The following ITPKB variants were observed in gnomAD, a reference collection of about 807,000 sequenced individuals.
ITPKB encodes IP3 3-kinase B.
Under a neutral mutation model 69.4 loss-of-function variants are expected in ITPKB, and 13 were observed. The ratio of observed to expected loss-of-function variants is 0.19; its 90% CI spans 0.12 to 0.30. The LOEUF (loss-of-function observed/expected upper bound fraction) is 0.30, where lower values mean the gene tolerates loss of function less well. ITPKB is among the 10% of genes least tolerant of loss of function. The pLI, the probability that ITPKB is intolerant of heterozygous loss-of-function variation, is 1.00. For missense variants in ITPKB, 1,240 were observed against 1,250.5 expected (o/e 0.99, Z 0.13); for synonymous variants, 584 against 513.7 (o/e 1.14, Z -1.85).
At chr1:226,691,409 G>A (rs28694682) in intron 2 of ITPKB, among the ~76,000 whole-genome samples, 94 of 152,186 alleles carry the variant, frequency 6.2e-4, no homozygotes, top group Non-Finnish European at 1.1e-3. Flanking sequence ...GGGCCTGGCT[G>A]GGGGGACTCT....
intron 2 of ITPKB, among the ~76,000 whole-genome samples, chr1:226,679,099 T>C (rs1008213352): frequency 3.9e-5 from 6 of 152,204 alleles, no homozygotes; most frequent in Middle Eastern, 3.2e-3. Flanking sequence ...CTCTCTAAGA[T>C]AGAGCTCCCT....
At chr1:226,692,087 A>G (rs767380157) in intron 2 of ITPKB, among the ~76,000 whole-genome samples, 2 of 152,236 alleles carry the variant, frequency 1.3e-5, no homozygotes, top group African/African-American at 2.4e-5. Context: ...TACTACATGC[A>G]AGAGCCTTCA....
At chr1:226,719,792 G>A (rs1444333917) in intron 2 of ITPKB, among the ~76,000 whole-genome samples, 1 of 152,140 alleles carries the variant, frequency 6.6e-6, no homozygotes, top group African/African-American at 2.4e-5. Flanking sequence ...TCTCTGGGTG[G>A]CCTGAGGCAT....
At chr1:226,656,614 A>C (rs1669294338) in intron 2 of ITPKB, 1 of 152,234 alleles carries the variant, frequency 6.6e-6, no homozygotes, top group Non-Finnish European at 1.5e-5. Context: ...TTGCAAATTA[A>C]GGGCTGAAGC....
intron 2 of ITPKB, among the ~76,000 whole-genome samples, chr1:226,671,162 A>T (rs1038445148): frequency 6.6e-6 from 1 of 152,216 alleles, no homozygotes; most frequent in Non-Finnish European, 1.5e-5. Context: ...TGAAGACCCC[A>T]AGGATCTCTA....
At chr1:226,682,383 T>C (rs1269411880) in intron 2 of ITPKB, among the ~76,000 whole-genome samples, 1 of 152,254 alleles carries the variant, frequency 6.6e-6, no homozygotes, top group Non-Finnish European at 1.5e-5. Flanking sequence ...GACTTCTGTG[T>C]ACTGGCAGTG....
chr1:226,636,986 G>T (rs1419236332), intron 7 of ITPKB, among the ~76,000 whole-genome samples: 1 of 152,018 alleles, frequency 6.6e-6, no homozygotes, highest in African/African-American at 2.4e-5. Context: ...TGCATGTAGG[G>T]TTTGAGTGTG....
intron 2 of ITPKB, among the ~76,000 whole-genome samples, chr1:226,656,000 C>T (rs1009839050): frequency 6.6e-6 from 1 of 152,212 alleles, no homozygotes; most frequent in Non-Finnish European, 1.5e-5. Context: ...ACACCTGTCC[C>T]CACGCCACCT....
At chr1:226,675,880 C>T (rs576173074) in intron 2 of ITPKB, among the ~76,000 whole-genome samples, 2 of 152,342 alleles carry the variant, frequency 1.3e-5, no homozygotes, top group East Asian at 1.9e-4. Flanking sequence ...TGTGCACTTC[C>T]TCAACCCACC....
intron 2 of ITPKB, among the ~76,000 whole-genome samples, chr1:226,696,347 ATCTC>A (rs1267913200): frequency 2.0e-5 from 3 of 151,718 alleles, no homozygotes; most frequent in African/African-American, 4.8e-5. Flanking sequence ...GTGTATATGT[ATCTC>A]TCTCTCAACA....
At chr1:226,726,953 T>C (rs1657438112) in intron 2 of ITPKB, among the ~76,000 whole-genome samples, 1 of 152,206 alleles carries the variant, frequency 6.6e-6, no homozygotes, top group East Asian at 1.9e-4. Flanking sequence ...GGCAGGTAGT[T>C]AGATTTTCCA....
At chr1:226,639,054 C>CTTTT (rs34561047) in intron 6 of ITPKB, among the ~76,000 whole-genome samples, 53 of 123,782 alleles carry the variant, frequency 4.3e-4, no homozygotes, top group East Asian at 9.5e-4. Flanking sequence ...GTGCCCTTGA[C>CTTTT]TTTTTTTTTT....
intron 2 of ITPKB, among the ~76,000 whole-genome samples, chr1:226,655,561 C>T (rs2102752160): frequency 6.6e-6 from 1 of 152,354 alleles, no homozygotes; most frequent in South Asian, 2.1e-4. Context: ...GGTGAGGATG[C>T]AACCAGACCT....
chr1:226,654,338 A>T (rs1669247371), intron 2 of ITPKB, among the ~76,000 whole-genome samples: 1 of 152,174 alleles, frequency 6.6e-6, no homozygotes, highest in African/African-American at 2.4e-5. Flanking sequence ...CCCCTGCAAC[A>T]GAGAGAAGCC....
intron 2 of ITPKB, among the ~76,000 whole-genome samples, chr1:226,672,258 CTAAA>C (rs1000843434): frequency 1.3e-5 from 2 of 152,172 alleles, no homozygotes; most frequent in South Asian, 2.1e-4. Flanking sequence ...CCCGCCTGAG[CTAAA>C]TAATCACCTC....
intron 2 of ITPKB, among the ~76,000 whole-genome samples, chr1:226,657,434 T>C (rs1224261891): frequency 1.3e-5 from 2 of 152,244 alleles, no homozygotes; most frequent in African/African-American, 4.8e-5. Context: ...TTTAAATAGT[T>C]TGATCACTTG....
intron 2 of ITPKB, 85 bp from the exon 3 acceptor site, chr1:226,648,856 T>A: frequency 1.1e-6 from 1 of 947,632 alleles, no homozygotes; most frequent in Non-Finnish European, 1.7e-6. Context: ...AAGGCCCTCA[T>A]TGCCTGTGGC....
intron 2 of ITPKB, among the ~76,000 whole-genome samples, chr1:226,684,506 G>A (rs917435512): frequency 2.0e-5 from 3 of 152,136 alleles, no homozygotes; most frequent in African/African-American, 7.2e-5. Flanking sequence ...AACCAGGGAA[G>A]GGGACCCACA....
rs138811134 is a variant in ITPKB at position 226,713,214 on chromosome 1, C to T, written c.1932+22313G>A. ...CCTCTTCGCATTTCTAGAATGCCCC[C>T]GCCCCCGGTTCCCAGACGGCTACTA... On this transcript the variant is annotated intron_variant, in intron 2 of 7. Transcript: ENST00000429204. Among the ~76,000 whole-genome samples the T allele has an allele frequency of 6.1e-4, 93 of 152,264 alleles. 2 individuals are homozygous for T. In the East Asian group the frequency reaches 0.014, roughly 23 times the overall value.
Sources: gnomAD v4.1 joint callset for allele counts (sites outside exome capture counted in the v4.1 genomes callset) on GRCh38, gnomAD v4.1.1 for gene constraint, MANE v1.5 for transcripts, NCBI Gene and HGNC (gene_info 2026-07-23, HGNC 2026-07-21) for gene names.